Variants in SETD5 observed in about 807,000 individuals in gnomAD.
SETD5 encodes histone-lysine N-methyltransferase SETD5.
In SETD5, 44 loss-of-function variants were observed where a neutral mutation model predicts 153.3. That is an observed-to-expected ratio of 0.29 (90% CI 0.23 to 0.37). The LOEUF (loss-of-function observed/expected upper bound fraction) is 0.37, where lower values mean the gene tolerates loss of function less well. Ranked by LOEUF, SETD5 falls within the 10% of genes least tolerant of loss-of-function variation. The pLI is 1.00. For missense variants in SETD5, 1,544 were observed against 1,768.0 expected (o/e 0.87, Z 2.27); for synonymous variants, 716 against 645.2 (o/e 1.11, Z -1.66).
At chr3:9,462,696 T>C (rs1358880641) in intron 17 of SETD5, among the ~76,000 whole-genome samples, 5 of 151,374 alleles carry the variant, frequency 3.3e-5, no homozygotes, top group Admixed American at 3.3e-4. Flanking sequence ...TCACTTGAGG[T>C]CAGGAATTCA....
chr3:9,447,171 C>T lies in SETD5; in HGVS notation c.1646C>T (p.Thr549Ile), dbSNP rs1393276207. Residue 549 changes from threonine (T) to isoleucine (I), a missense_variant, in exon 14 of 23, where the codon ACC becomes ATC. Thr to Ile is a moderately conservative substitution (Grantham distance 89). Around this residue, in one of 9 missense-constraint regions of SETD5, gnomAD observed 782 missense variants for 787.2 expected, o/e 0.99. Coordinates refer to ENST00000402198, the MANE Select transcript of SETD5 (RefSeq NM_001080517.3). The stretch of plus-strand genomic sequence containing the variant: ...TCTGATGTAGAGATTACTACAACCA[C>T]CTCAGAGACTCCTGTTGGTGAAGAG... ...SNSDVEITTTTSETPVGEETK... is the reference protein window; with the variant it reads ...SNSDVEITTTISETPVGEETK... The T allele has an allele frequency of 1.9e-6, 3 of 1,614,018 alleles. No homozygotes were observed. The highest frequency in any genetic ancestry group is 2.5e-6 in the Non-Finnish European group (3 of 1,179,894).
chr3:9,435,012 A>C (rs151025056), intron 6 of SETD5, 130 bp downstream of exon 6: 1 of 992,824 alleles, frequency 1.0e-6, no homozygotes, highest in Non-Finnish European at 1.4e-6. Context: ...AGGGAGGCCA[A>C]AGCGGGCGGA....
At chr3:9,452,176 C>T (rs1022966387) in intron 16 of SETD5, among the ~76,000 whole-genome samples, 2 of 152,184 alleles carry the variant, frequency 1.3e-5, no homozygotes, top group East Asian at 3.9e-4. Context: ...GTCATCAGAT[C>T]CAGAATGTAA....
intron 18 of SETD5, among the ~76,000 whole-genome samples, chr3:9,467,199 CAAAAAAAAAAA>C (rs35894304): frequency 9.8e-5 from 4 of 40,860 alleles, no homozygotes; most frequent in Admixed American, 6.0e-4. Context: ...GACTCTCTCT[CAAAAAAAAAAA>C]AAAAAAAAAA....
intron 1 of SETD5, among the ~76,000 whole-genome samples, chr3:9,406,730 A>C (rs944933486): frequency 3.9e-5 from 6 of 152,176 alleles, no homozygotes; most frequent in African/African-American, 1.4e-4. Flanking sequence ...ATAGAACTTT[A>C]ATGTCGTAAT....
intron 8 of SETD5, 115 bp downstream of exon 8, chr3:9,440,813 G>T: frequency 7.6e-7 from 1 of 1,312,890 alleles, no homozygotes; most frequent in Middle Eastern, 2.7e-4. Context: ...TGGAATAACA[G>T]ATTAGCCAGG....
rs1475049873 is a variant in SETD5, at chr3:9,428,872, A to G, written c.-67A>G. The G allele has an allele frequency of 8.5e-7, 1 of 1,178,940 alleles. No individual in the cohort carries two copies. Among genetic ancestry groups the G allele is most frequent in the Non-Finnish European group, 1.2e-6 (1 of 808,820 alleles). 73.0% of individuals were successfully genotyped at this position (1,178,940 alleles called of 1,614,324 possible). Reference sequence around the variant, plus strand: ...GGATGAGGCTCTGCAGCTCACCCCCACTCTCAGAGTGGTCAGTCTCCATTA... The same window carrying G: ...GGATGAGGCTCTGCAGCTCACCCCCGCTCTCAGAGTGGTCAGTCTCCATTA... On this transcript the variant is annotated 5_prime_UTR_variant, in exon 3 of 23. Transcript: ENST00000402198.
intron 1 of SETD5, among the ~76,000 whole-genome samples, chr3:9,408,381 TAAA>T (rs776543335): frequency 2.6e-5 from 4 of 152,212 alleles, no homozygotes; most frequent in African/African-American, 7.2e-5. Context: ...TTTTTATTAT[TAAA>T]AACTCCAATT....
chr3:9,425,239 T>A (rs1412384913), intron 2 of SETD5, among the ~76,000 whole-genome samples: 1 of 151,876 alleles, frequency 6.6e-6, no homozygotes, highest in African/African-American at 2.4e-5. Flanking sequence ...TTTTTTTGTA[T>A]TTTTAGTAGA....
intron 1 of SETD5, among the ~76,000 whole-genome samples, chr3:9,414,593 A>G (rs2037132881): frequency 6.6e-6 from 1 of 152,160 alleles, no homozygotes; most frequent in South Asian, 2.1e-4. Flanking sequence ...TGTCTTGGCT[A>G]AATAGGTAAT....
chr3:9,411,408 C>G (rs960175887), intron 1 of SETD5, among the ~76,000 whole-genome samples: 27 of 152,082 alleles, frequency 1.8e-4, no homozygotes, highest in African/African-American at 5.8e-4. Flanking sequence ...AATGTTTTAT[C>G]CTTCCTAATT....
At chr3:9,443,142 T>A (rs936571091) in intron 10 of SETD5, 166 bp from the exon 11 acceptor site, 6 of 586,138 alleles carry the variant, frequency 1.0e-5, no homozygotes, top group Non-Finnish European at 1.8e-5. Flanking sequence ...CAGTGCAGTA[T>A]AATAGTTTCA....
Position 9,447,094 on chromosome 3 carries a change from A to C in SETD5, c.1569A>C (p.Glu523Asp). The change falls in exon 14 of 23, where the codon GAA (glutamate) becomes GAC (aspartate). Residue 523 changes from glutamate to aspartate, a missense_variant. Coordinates refer to ENST00000402198, the MANE Select transcript of SETD5 (RefSeq NM_001080517.3). ...TAGAAGCCATCATGCATGCTTTTGA[A>C]AACTTAGAGAAAAGAAAGAAGCGGC... ...RKVEAIMHAF[E>D]NLEKRKKRRD... is the part of the protein sequence containing the mutation. 6.2e-7 allele frequency: 1 copy of C among 1,613,824 alleles called. No individual in the cohort carries two copies. The highest frequency in any genetic ancestry group is 1.1e-5 in the South Asian group (1 of 91,076).
At position 9,431,627 on chromosome 3, in the gene SETD5, A is replaced by T. The variant is rs548477453; in HGVS notation, c.72-2218A>T. The stretch of plus-strand genomic sequence containing the variant: ...TTTGGCATGCACAGCAATATATTAA[A>T]TGCTGTGCTTAACTAGAAAGTATTG... On this transcript the variant is annotated intron_variant, in intron 3 of 22. Coordinates refer to ENST00000402198, the MANE Select transcript of SETD5 (RefSeq NM_001080517.3). 1.7e-3 allele frequency: 1,688 copies of T among 984,030 alleles called. 3 individuals are homozygous for T. Among genetic ancestry groups the T allele is most frequent in the Non-Finnish European group, 2.0e-3 (1,622 of 828,244 alleles). 61.0% of individuals were successfully genotyped at this position (984,030 alleles called of 1,614,324 possible). A position where few individuals can be genotyped will look rare whatever the true frequency, so the allele number is the denominator to read the frequency against.
chr3:9,434,535 T>G lies in SETD5; in HGVS notation c.329+50T>G, dbSNP rs1390063359. 6.2e-7 allele frequency: 1 copy of G among 1,610,042 alleles called. No individual in the cohort carries two copies. Among genetic ancestry groups the G allele is most frequent in the Admixed American group, 1.7e-5 (1 of 59,586 alleles). ...TAAGTCTGGGTTGCTGGGATTAGGG[T>G]TTCTTACAAGTAGGGAAAAGCTCAA... On this transcript the variant is annotated intron_variant, in intron 5 of 22. Transcript: ENST00000402198. The surrounding 1 kb of genome is among the most constrained non-coding windows in gnomAD (Gnocchi z 5.6).
chr3:9,434,402 G>T lies in SETD5; in HGVS notation c.246G>T (p.Pro82=). Residue 82 remains proline, a synonymous_variant, in exon 5 of 23, where the codon CCG becomes CCT. Coordinates refer to ENST00000402198, the MANE Select transcript of SETD5 (RefSeq NM_001080517.3). This position sits in a 1 kb window ranked among gnomAD's most constrained non-coding sequence, Gnocchi z 5.6. ...SPVEERCGDS[P]NSEGETVPTW... is the part of the protein sequence containing the mutation. ...TAGAGGAACGCTGTGGAGACAGCCC[G>T]AACTCTGAAGGAGAAACTGTACCTA... 2 of 1,613,944 alleles carry T rather than the reference G, an allele frequency of 1.2e-6. No individual in the cohort carries two copies. The highest frequency in any genetic ancestry group is 1.7e-6 in the Non-Finnish European group (2 of 1,179,870).
chr3:9,446,927 T>C (rs2042088556), intron 13 of SETD5, 123 bp from the exon 14 acceptor site: 3 of 641,784 alleles, frequency 4.7e-6, no homozygotes, highest in Non-Finnish European at 8.0e-6. Flanking sequence ...TTCCAAGTTA[T>C]ATGTGTCATC....
At chr3:9,429,783 C>G in intron 3 of SETD5, 1 of 1,253,872 alleles carries the variant, frequency 8.0e-7, no homozygotes, top group Non-Finnish European at 1.0e-6. Flanking sequence ...GATTCCCCCT[C>G]TTGTCCTTTT....
At position 9,434,971 on chromosome 3, in the gene SETD5, G is replaced by A. The variant is rs1342267382; in HGVS notation, c.388+89G>A. Reference sequence around the variant, plus strand: ...TTTTAAGAACCCCTCTTGGCCAGGCGCAGTGGCTTACGCCTGTAATCTCAC... The same window carrying A: ...TTTTAAGAACCCCTCTTGGCCAGGCACAGTGGCTTACGCCTGTAATCTCAC... On this transcript the variant is annotated intron_variant, in intron 6 of 22. Coordinates refer to ENST00000402198, the MANE Select transcript of SETD5 (RefSeq NM_001080517.3). This position sits in a 1 kb window ranked among gnomAD's most constrained non-coding sequence, Gnocchi z 5.6. 16 of 1,471,580 alleles carry A rather than the reference G, an allele frequency of 1.1e-5. No individual in the cohort carries two copies. The highest frequency in any genetic ancestry group is 7.8e-5 in the South Asian group (6 of 76,648). The allele number at this position is 1,471,580 out of a possible 1,614,324, so 91.2% of individuals were successfully genotyped here.
Sources: allele counts gnomAD v4.1 joint callset (sites outside exome capture counted in the v4.1 genomes callset), GRCh38; gene constraint gnomAD v4.1.1; regional missense constraint gnomAD v4.1.1; non-coding constraint Gnocchi (gnomAD v3.1); transcripts MANE v1.5; gene names NCBI Gene and HGNC (gene_info 2026-07-23, HGNC 2026-07-21).